The following AKR1C3 variants were observed in gnomAD, a reference collection of about 807,000 sequenced individuals.
AKR1C3 encodes the protein aldo-keto reductase family 1 member C3.
AKR1C3 carries 48 observed loss-of-function variants against 43.6 expected under a neutral mutation model. The ratio of observed to expected loss-of-function variants is 1.10; its 90% confidence interval spans 0.87 to 1.40. AKR1C3 has a LOEUF of 1.40. Ranked by LOEUF, AKR1C3 falls within the 40% of genes most tolerant of loss-of-function variation. The pLI is 0.00. For synonymous variants in AKR1C3, 162 were observed against 139.6 expected, an observed-to-expected ratio of 1.16 and a Z score of -1.13; for missense variants, 482 against 391.2, an observed-to-expected ratio of 1.23 and a Z score of -1.96.
intron 1 of AKR1C3, among the ~76,000 whole-genome samples, chr10:5,079,550 A>C (rs1838787989): frequency 1.3e-5 from 2 of 151,510 alleles, no homozygotes; most frequent in Non-Finnish European, 2.9e-5. Context: ...CAGGAAAAAC[A>C]GACTGAGATC....
chr10:5,097,884 G>A, intron 3 of AKR1C3: 4 of 1,113,196 alleles, frequency 3.6e-6, no homozygotes, highest in Non-Finnish European at 4.4e-6. Flanking sequence ...TGCAGTTGTG[G>A]TGCCCAATAA....
intron 2 of AKR1C3, 25 bp from the exon 3 acceptor site, chr10:5,097,409 C>T (rs754732117): frequency 1.9e-6 from 3 of 1,607,820 alleles, no homozygotes; most frequent in Non-Finnish European, 2.5e-6. Flanking sequence ...CATTCAAAAT[C>T]ACCTCCATTC....
intron 1 of AKR1C3, among the ~76,000 whole-genome samples, chr10:5,085,225 C>G (rs1488462445): frequency 6.2e-4 from 94 of 151,960 alleles, no homozygotes; most frequent in Middle Eastern, 3.4e-3. Context: ...TCATAGATAG[C>G]TCTTATTATT....
chr10:5,078,837 TA>T (rs1838772525), intron 1 of AKR1C3, among the ~76,000 whole-genome samples: 1 of 152,242 alleles, frequency 6.6e-6, no homozygotes, highest in South Asian at 2.1e-4. Flanking sequence ...CAAGGTTAAA[TA>T]AGACAAGAAG....
At chr10:5,094,606 G>A in intron 1 of AKR1C3, 78 bp downstream of exon 1, 1 of 1,509,514 alleles carries the variant, frequency 6.6e-7, no homozygotes, top group Non-Finnish European at 9.2e-7. Context: ...GGGTTGTAAG[G>A]TTCGTGTTCC....
chr10:5,064,142 TCTTA>T (rs1408325497), intron 1 of AKR1C3, among the ~76,000 whole-genome samples: 1 of 152,226 alleles, frequency 6.6e-6, no homozygotes, highest in Non-Finnish European at 1.5e-5. Context: ...ACTATAGTTC[TCTTA>T]CTATTTCCAC....
At chr10:5,100,412 G>C (rs981251168) in intron 5 of AKR1C3, among the ~76,000 whole-genome samples, 2 of 152,192 alleles carry the variant, frequency 1.3e-5, no homozygotes, top group Non-Finnish European at 2.9e-5. Context: ...GTCTTAGTCT[G>C]CTACTTCTCT....
At chr10:5,102,390 C>T in intron 6 of AKR1C3, 95 bp from the exon 7 acceptor site, 1 of 1,568,004 alleles carries the variant, frequency 6.4e-7, no homozygotes, top group Non-Finnish European at 8.7e-7. Context: ...GCTTGAGAAG[C>T]TCCGGTGCAG....
intron 7 of AKR1C3, 145 bp from the exon 8 acceptor site, chr10:5,105,450 C>G: frequency 5.2e-6 from 3 of 571,446 alleles, no homozygotes; most frequent in East Asian, 2.9e-5. Flanking sequence ...TATTCATTGA[C>G]CCACCTGAGT....
intron 1 of AKR1C3, among the ~76,000 whole-genome samples, chr10:5,094,923 T>C (rs985806994): frequency 7.9e-5 from 12 of 152,100 alleles, no homozygotes; most frequent in African/African-American, 2.4e-4. Flanking sequence ...GAAATACTTA[T>C]AGCAAAAATT....
upstream of AKR1C3, among the ~76,000 whole-genome samples, chr10:5,091,647 A>C (rs1937849): frequency 0.84 from 128,086 of 152,090 alleles, 53,950 homozygotes; most frequent in Middle Eastern, 0.91. Context: ...ATAGTTATAA[A>C]AATCTACTTT....
At chr10:5,068,144 G>C (rs767287267) in intron 1 of AKR1C3, among the ~76,000 whole-genome samples, 3 of 151,692 alleles carry the variant, frequency 2.0e-5, no homozygotes, top group Non-Finnish European at 4.4e-5. Flanking sequence ...AGAAAATTTG[G>C]TTATTTCTAT....
chr10:5,083,519 A>G (rs1429394950), intron 1 of AKR1C3, among the ~76,000 whole-genome samples: 3 of 152,132 alleles, frequency 2.0e-5, no homozygotes, highest in African/African-American at 4.8e-5. Context: ...GCTATTGTGA[A>G]TAGTGCCGCT....
intron 1 of AKR1C3, among the ~76,000 whole-genome samples, chr10:5,052,237 C>A (rs535487260): frequency 6.6e-6 from 1 of 152,218 alleles, no homozygotes; most frequent in East Asian, 1.9e-4. Flanking sequence ...GGTTCCTGGT[C>A]TTGCTGGCTT....
intron 2 of AKR1C3, among the ~76,000 whole-genome samples, 195 bp downstream of exon 2, chr10:5,096,772 T>G (rs1422581240): frequency 6.6e-6 from 1 of 152,168 alleles, no homozygotes; most frequent in Non-Finnish European, 1.5e-5. Flanking sequence ...GTGTTCCAAT[T>G]TATGACCTGA....
intron 1 of AKR1C3, among the ~76,000 whole-genome samples, chr10:5,070,118 C>T (rs1490530375): frequency 6.6e-6 from 1 of 152,238 alleles, no homozygotes; most frequent in East Asian, 1.9e-4. Context: ...CCTTAGTTTT[C>T]ACTGGCCATA....
intron 1 of AKR1C3, among the ~76,000 whole-genome samples, chr10:5,078,432 A>G (rs1205970219): frequency 6.6e-6 from 1 of 152,226 alleles, no homozygotes; most frequent in Non-Finnish European, 1.5e-5. Context: ...CAACAGAGCA[A>G]GAATCTGTCT....
intron 1 of AKR1C3, among the ~76,000 whole-genome samples, chr10:5,064,010 A>G (rs1303582600): frequency 6.6e-6 from 1 of 152,164 alleles, no homozygotes; most frequent in African/African-American, 2.4e-5. Flanking sequence ...CAGCATCTTC[A>G]TCAGAAGTGG....
chr10:5,072,129 T>C (rs1437008408), intron 1 of AKR1C3, among the ~76,000 whole-genome samples: 1 of 152,194 alleles, frequency 6.6e-6, no homozygotes, highest in South Asian at 2.1e-4. Context: ...GTGACACTTA[T>C]CTCTGGGTTC....
Sources: gnomAD v4.1 joint callset for allele counts (sites outside exome capture counted in the v4.1 genomes callset) on GRCh38, gnomAD v4.1.1 for gene constraint, MANE v1.5 for transcripts, NCBI Gene and HGNC (gene_info 2026-07-23, HGNC 2026-07-21) for gene names.